Variants in ABI3BP observed in about 807,000 individuals in gnomAD.
The protein encoded by ABI3BP is target of Nesh-SH3.
A neutral mutation model predicts 268.6 loss-of-function variants in ABI3BP; 216 were observed. That is an observed-to-expected ratio of 0.80 (90% CI 0.72 to 0.90). ABI3BP has a LOEUF of 0.90. ABI3BP is among the 40% of genes least tolerant of loss of function. The probability of loss-of-function intolerance (pLI) is 0.00; values close to 1 mark genes in which losing one functional copy is unlikely to be tolerated. For synonymous variants in ABI3BP, 730 were observed against 730.0 expected, an observed-to-expected ratio of 1.00 and a Z score of 0.00; for missense variants, 2,090 against 2,182.4, an observed-to-expected ratio of 0.96 and a Z score of 0.84.
At chr3:100,807,773 T>TAC (rs1431385594) in intron 50 of ABI3BP, among the ~76,000 whole-genome samples, 1 of 152,040 alleles carries the variant, frequency 6.6e-6, no homozygotes. Flanking sequence ...ACATTTGTTG[T>TAC]AGTCAGGCCA....
intron 2 of ABI3BP, among the ~76,000 whole-genome samples, chr3:100,925,873 C>G (rs2061651075): frequency 6.7e-6 from 1 of 148,362 alleles, no homozygotes; most frequent in South Asian, 2.1e-4. Flanking sequence ...AATCTTTTTT[C>G]TCTGAAATAC....
chr3:100,820,339 G>T lies in ABI3BP; in HGVS notation c.2948-36C>A, dbSNP rs772463884. The T allele has an allele frequency of 6.0e-6, 9 of 1,490,402 alleles. No homozygotes were observed. The African/African-American group carries it at 1.2e-4, about 21-fold the overall frequency. 92.3% of individuals were successfully genotyped at this position (1,490,402 alleles called of 1,614,324 possible). A position where few individuals can be genotyped will look rare whatever the true frequency, so the allele number is the denominator to read the frequency against. On this transcript the variant is annotated intron_variant, in intron 39 of 67. Coordinates refer to ENST00000471714, the MANE Select transcript of ABI3BP (RefSeq NM_001375547.2). ...AAAACCTTTAGTTACTACAGAGTCC[G>T]TAGCTCCGAAGCTATGAGTAGCATG...
intron 4 of ABI3BP, among the ~76,000 whole-genome samples, chr3:100,896,563 C>G (rs34272575): frequency 0.1 from 15,636 of 152,160 alleles, 1,090 homozygotes; most frequent in Non-Finnish European, 0.15. Flanking sequence ...TTGAGTAACC[C>G]TTAAAATTGG....
At chr3:100,892,611 T>G (rs1357215474) in intron 4 of ABI3BP, among the ~76,000 whole-genome samples, 1 of 152,216 alleles carries the variant, frequency 6.6e-6, no homozygotes, top group Non-Finnish European at 1.5e-5. Flanking sequence ...GTCATTTACA[T>G]ACTTGCCACT....
chr3:100,787,789 T>C lies in ABI3BP; in HGVS notation c.4101A>G (p.Thr1367=), dbSNP rs1310491512. 3.3e-6 allele frequency: 5 copies of C among 1,528,804 alleles called. No individual in the cohort carries two copies. The highest frequency in any genetic ancestry group is 2.6e-6 in the Non-Finnish European group (3 of 1,143,664). The allele number at this position is 1,528,804 out of a possible 1,614,324, so 94.7% of individuals were successfully genotyped here. Residue 1367 remains threonine, a synonymous_variant, in exon 57 of 68, where the codon ACA becomes ACG. Transcript: ENST00000471714. ...GTTTGGGCCTAGTAGGTCTTGTAGT[T>C]GTCCTATTCAGAACTAAAATAAAGT... The part of the protein sequence containing the change: ...KPHIRPVLNR[T]TTRPTRPKPS...
At chr3:100,850,599 ATT>A in intron 16 of ABI3BP, 59 bp downstream of exon 16, 1 of 1,271,122 alleles carries the variant, frequency 7.9e-7, no homozygotes, top group Non-Finnish European at 1.1e-6. Context: ...GAAGAAAGGC[ATT>A]CACATGATTT....
At chr3:100,947,777 C>A (rs1209964171) in intron 1 of ABI3BP, among the ~76,000 whole-genome samples, 1 of 151,522 alleles carries the variant, frequency 6.6e-6, no homozygotes, top group Non-Finnish European at 1.5e-5. Context: ...AACTATGAAG[C>A]TGAGAAAAAA....
At chr3:100,806,765 G>A (rs947370535) in intron 50 of ABI3BP, among the ~76,000 whole-genome samples, 14 of 152,066 alleles carry the variant, frequency 9.2e-5, no homozygotes, top group African/African-American at 3.4e-4. Flanking sequence ...GTTAGAGAGT[G>A]GAACTCACTG....
intron 10 of ABI3BP, 78 bp downstream of exon 10, chr3:100,866,800 GA>G (rs1218728039): frequency 8.2e-6 from 10 of 1,217,676 alleles, no homozygotes; most frequent in Admixed American, 2.1e-5. Flanking sequence ...GCTCTTTACT[GA>G]AAAAAAGACT....
Position 100,840,812 on chromosome 3 carries a change from T to C in ABI3BP, c.1804+8A>G. ...GAAACAAAGGTCACCCACTCAATAC[T>C]CTATTACCTAATGTTGTTGAAGGTT... On this transcript the variant is annotated splice_region_variant and intron_variant, in intron 22 of 67. Coordinates refer to ENST00000471714, the MANE Select transcript of ABI3BP (RefSeq NM_001375547.2). 2 of 1,534,154 alleles carry C rather than the reference T, an allele frequency of 1.3e-6. No homozygotes were observed. Among genetic ancestry groups the C allele is most frequent in the African/African-American group, 2.7e-5 (2 of 73,070 alleles).
intron 1 of ABI3BP, among the ~76,000 whole-genome samples, chr3:100,959,798 A>G (rs945130765): frequency 2.0e-5 from 3 of 152,224 alleles, no homozygotes; most frequent in Non-Finnish European, 4.4e-5. Flanking sequence ...TGGCAATAAC[A>G]TAATGCAAAC....
chr3:100,802,314 C>T (rs2097556277), intron 51 of ABI3BP, among the ~76,000 whole-genome samples: 1 of 152,150 alleles, frequency 6.6e-6, no homozygotes, highest in Admixed American at 6.6e-5. Flanking sequence ...AAACCTATCC[C>T]AATGCCTGGG....
chr3:100,976,045 C>T (rs2086034753), intron 1 of ABI3BP, among the ~76,000 whole-genome samples: 1 of 152,058 alleles, frequency 6.6e-6, no homozygotes, highest in East Asian at 1.9e-4. Context: ...GTGATTTTTC[C>T]TCATAATCAT....
chr3:100,823,102 G>A (rs986143033), intron 37 of ABI3BP, among the ~76,000 whole-genome samples: 5 of 152,034 alleles, frequency 3.3e-5, no homozygotes, highest in Admixed American at 2.6e-4. Context: ...ATAGAAAAAA[G>A]GGTAAAAATT....
intron 2 of ABI3BP, chr3:100,914,502 G>C: frequency 2.2e-6 from 1 of 453,616 alleles, no homozygotes; most frequent in Non-Finnish European, 4.4e-6. Flanking sequence ...TGGGATTCCA[G>C]AATGTTCACA....
chr3:100,812,035 G>A (rs909698807), intron 46 of ABI3BP, among the ~76,000 whole-genome samples: 7 of 151,988 alleles, frequency 4.6e-5, no homozygotes, highest in African/African-American at 1.7e-4. Context: ...CATAATGTGT[G>A]GCAGAGTCAA....
At chr3:100,808,078 AT>A in intron 50 of ABI3BP, 82 bp downstream of exon 50, 1 of 1,191,672 alleles carries the variant, frequency 8.4e-7, no homozygotes, top group Non-Finnish European at 1.2e-6. Context: ...TCAATCTGCT[AT>A]CATAACTATT....
At chr3:100,912,137 G>A in intron 2 of ABI3BP, 2 of 507,866 alleles carry the variant, frequency 3.9e-6, no homozygotes, top group Non-Finnish European at 7.1e-6. Flanking sequence ...AAGGCAAGCT[G>A]GTCAACACAA....
intron 4 of ABI3BP, among the ~76,000 whole-genome samples, chr3:100,886,816 G>A (rs2042185302): frequency 6.6e-6 from 1 of 151,840 alleles, no homozygotes; most frequent in Non-Finnish European, 1.5e-5. Context: ...ATTCAGTACT[G>A]CATTTTAAGG....
Sources: allele counts gnomAD v4.1 joint callset (sites outside exome capture counted in the v4.1 genomes callset), GRCh38; gene constraint gnomAD v4.1.1; transcripts MANE v1.5; gene names NCBI Gene and HGNC (gene_info 2026-07-23, HGNC 2026-07-21).